LOXL3: variants seen among roughly 807,000 people sequenced by gnomAD.
LOXL3 encodes the protein lysyl oxidase homolog 3.
Under a neutral mutation model 91.8 loss-of-function variants are expected in LOXL3, and 60 were observed. The observed-to-expected ratio is 0.65, with a 90% CI of 0.53 to 0.81. The LOEUF (loss-of-function observed/expected upper bound fraction) is 0.81. Among genes scored for constraint, LOXL3 ranks in the 30% least tolerant of loss-of-function variants. The pLI is 0.00. For synonymous variants in LOXL3, 355 were observed against 387.6 expected (o/e 0.92, Z 0.99); for missense variants, 874 against 1,000.4 (o/e 0.87, Z 1.70).
At chr2:74,537,025 C>A (rs1020129172) in intron 4 of LOXL3, 97 bp from the exon 5 acceptor site, 9 of 920,888 alleles carry the variant, frequency 9.8e-6, no homozygotes, top group South Asian at 1.6e-5. Context: ...CCATGCCCCC[C>A]ACCCTTTTGT....
upstream of LOXL3, chr2:74,554,582 C>G (rs1677258155): frequency 4.7e-6 from 3 of 636,302 alleles, no homozygotes; most frequent in Admixed American, 3.0e-5. This position sits in a 1 kb window ranked among gnomAD's most constrained non-coding sequence, Gnocchi z 4.9. Context: ...CCCGGCTAAT[C>G]CGGGGGTCTC....
intron 4 of LOXL3, among the ~76,000 whole-genome samples, chr2:74,539,333 A>G (rs1285684437): frequency 6.6e-6 from 1 of 152,208 alleles, no homozygotes; most frequent in African/African-American, 2.4e-5. Context: ...AACACCATTG[A>G]ACTGCATTTC....
chr2:74,547,361 T>C (rs1043551832), intron 4 of LOXL3, among the ~76,000 whole-genome samples: 2 of 152,022 alleles, frequency 1.3e-5, no homozygotes, highest in Non-Finnish European at 2.9e-5. Context: ...TAAATAAATA[T>C]TGGGTGAGTG....
intron 4 of LOXL3, among the ~76,000 whole-genome samples, chr2:74,543,920 AAAAG>A (rs2104421891): frequency 5.3e-5 from 8 of 149,634 alleles, no homozygotes; most frequent in African/African-American, 2.0e-4. Context: ...AAAAAAAAAA[AAAAG>A]AAAAGAAAAG....
At position 74,549,480 on chromosome 2, in the gene LOXL3, G is replaced by A; in HGVS notation, c.581C>T (p.Pro194Leu). The change falls in exon 4 of 14, where the codon CCT (proline) becomes CTT (leucine). Residue 194 changes from proline to leucine, a missense_variant. Physicochemically the swap from Pro to Leu is moderately conservative, Grantham distance 98. Transcript: ENST00000264094. The surrounding 1 kb of genome is among the most constrained non-coding windows in gnomAD (Gnocchi z 5.3). Reference protein sequence around the residue: ...VTEGLVEVRLPDGWSQVCDKG... With the variant: ...VTEGLVEVRLLDGWSQVCDKG... ...GTCGCACACTTGCGACCAGCCGTCA[G>A]GAAGCCTGACTTCCACCAGCCCCTC... is the stretch of plus-strand genomic sequence containing the variant. The A allele has an allele frequency of 6.2e-7, 1 of 1,613,502 alleles. No homozygotes were observed. The highest frequency in any genetic ancestry group is 8.5e-7 in the Non-Finnish European group (1 of 1,179,818).
At chr2:74,555,618 T>G, upstream of LOXL3, 1 of 1,614,098 alleles carries the variant, frequency 6.2e-7, no homozygotes, top group Non-Finnish European at 8.5e-7. This position sits in a 1 kb window ranked among gnomAD's most constrained non-coding sequence, Gnocchi z 6.1. Context: ...CCACCTAAGC[T>G]TTCTGCCCTG....
rs373321712 is a variant in LOXL3 at position 74,550,220 on chromosome 2, G to T, written c.442C>A (p.Arg148Ser). 5.5e-5 allele frequency: 89 copies of T among 1,613,962 alleles called. No individual in the cohort carries two copies. The highest frequency in any genetic ancestry group is 7.5e-5 in the Non-Finnish European group (89 of 1,180,008). ...TTGGAGTCCGAGAAGCCAGGGAGGC[G>T]CTGGTCTTTGCAGATGACCCCAGCA... Reference protein sequence around the residue: ...EDAGVICKDQRLPGFSDSNVI... With the variant: ...EDAGVICKDQSLPGFSDSNVI... Residue 148 changes from arginine (R) to serine (S), a missense_variant, in exon 3 of 14, where the codon CGC (arginine) becomes AGC (serine). By Grantham distance (110) the Arg-to-Ser change is moderately radical. Transcript: ENST00000264094.
At position 74,536,211 on chromosome 2, in the gene LOXL3, A is replaced by C. The variant is rs1051085807; in HGVS notation, c.1094-61T>G. Reference sequence around the variant, plus strand: ...TAAGCATATATTGTCTGCCCAGGGGACACCTAACCTTCCGAAGGAATATGC... The same window carrying C: ...TAAGCATATATTGTCTGCCCAGGGGCCACCTAACCTTCCGAAGGAATATGC... On this transcript the variant is annotated intron_variant, in intron 6 of 13. Coordinates refer to ENST00000264094, the MANE Select transcript of LOXL3 (RefSeq NM_032603.5). The surrounding 1 kb of genome is among the most constrained non-coding windows in gnomAD (Gnocchi z 4.5). The C allele has an allele frequency of 2.5e-6, 4 of 1,611,560 alleles. No homozygotes were observed. In the Admixed American group the frequency reaches 6.7e-5, roughly 27 times the overall value.
At position 74,533,388 on chromosome 2, in the gene LOXL3, G is replaced by T. The variant is rs948457027; in HGVS notation, c.*218C>A. ...TGGGCTCTGGTCTGTTCTGCTCGGT[G>T]CTGGGCCTGGGAGCAAAGATTCCCA... is the stretch of plus-strand genomic sequence containing the variant. On this transcript the variant is annotated 3_prime_UTR_variant, in exon 14 of 14. Coordinates refer to ENST00000264094, the MANE Select transcript of LOXL3 (RefSeq NM_032603.5). The T allele has an allele frequency of 2.8e-5, 16 of 569,378 alleles. No individual in the cohort carries two copies. The African/African-American group carries it at 2.8e-4, about 10-fold the overall frequency. The allele number at this position is 569,378 out of a possible 1,614,324, so 35.3% of individuals were successfully genotyped here.
chr2:74,532,750 C>T lies in LOXL3; in HGVS notation c.*856G>A, dbSNP rs1675707482. 2 of 1,611,316 alleles carry T rather than the reference C, an allele frequency of 1.2e-6. No individual in the cohort carries two copies. Among genetic ancestry groups the T allele is most frequent in the African/African-American group, 2.7e-5 (2 of 74,844 alleles). On this transcript the variant is annotated 3_prime_UTR_variant, in exon 14 of 14. Transcript: ENST00000264094. ...GGCTGCAGTGTGATATGGGGATGGGCAAGGTGTGCATGTGTCCTTGAACTA... is the reference window on the plus strand; with the variant it reads ...GGCTGCAGTGTGATATGGGGATGGGTAAGGTGTGCATGTGTCCTTGAACTA...
At chr2:74,537,969 A>C (rs1289019192) in intron 4 of LOXL3, among the ~76,000 whole-genome samples, 1 of 152,298 alleles carries the variant, frequency 6.6e-6, no homozygotes, top group South Asian at 2.1e-4. Flanking sequence ...CAGAGGAAGG[A>C]TGGAATATGA....
chr2:74,546,935 C>T (rs377368144), intron 4 of LOXL3, among the ~76,000 whole-genome samples: 25 of 152,028 alleles, frequency 1.6e-4, no homozygotes, highest in South Asian at 6.2e-4. Flanking sequence ...AGGCTGGTCT[C>T]GAACTCCTGA....
At position 74,552,425 on chromosome 2, in the gene LOXL3, G is replaced by A. The variant is rs1433050406; in HGVS notation, c.210C>T (p.Cys70=). 5 of 1,613,728 alleles carry A rather than the reference G, an allele frequency of 3.1e-6. No homozygotes were observed. Among genetic ancestry groups the A allele is most frequent in the Non-Finnish European group, 2.5e-6 (3 of 1,179,858 alleles). Residue 70 remains cysteine (C), a synonymous_variant, in exon 2 of 14, where the codon TGC becomes TGT. Coordinates refer to ENST00000264094, the MANE Select transcript of LOXL3 (RefSeq NM_032603.5). ...CAGCCTGCAGCGTGAAGTCATCATCGCAGATGGTGCCCCATTCACCAGCTC... is the reference window on the plus strand; with the variant it reads ...CAGCCTGCAGCGTGAAGTCATCATCACAGATGGTGCCCCATTCACCAGCTC... ...IQRAGEWGTI[C]DDDFTLQAAH...
chr2:74,551,185 C>T (rs990363118), intron 2 of LOXL3, among the ~76,000 whole-genome samples: 1 of 152,240 alleles, frequency 6.6e-6, no homozygotes, highest in Non-Finnish European at 1.5e-5. Context: ...CCACCCACCT[C>T]AGCCTCCCAA....
At position 74,532,285 on chromosome 2, in the gene LOXL3, G is replaced by A. The variant is rs1049129708; in HGVS notation, c.*1321C>T. ...TCCTACTCCCATGTTTTTTATTTAT[G>A]CTGTTCTTGTTTTATATGGTTAATA... On this transcript the variant is annotated 3_prime_UTR_variant, in exon 14 of 14. Coordinates refer to ENST00000264094, the MANE Select transcript of LOXL3 (RefSeq NM_032603.5). 4 of 477,528 alleles carry A rather than the reference G, an allele frequency of 8.4e-6. No homozygotes were observed. The highest frequency in any genetic ancestry group is 2.0e-5 in the African/African-American group (1 of 51,102). The allele number at this position is 477,528 out of a possible 1,614,324, so 29.6% of individuals were successfully genotyped here.
In LOXL3 at chr2:74,536,210, G is replaced by T; in HGVS notation, c.1094-60C>A. On this transcript the variant is annotated intron_variant, in intron 6 of 13. Coordinates refer to ENST00000264094, the MANE Select transcript of LOXL3 (RefSeq NM_032603.5). The surrounding 1 kb of genome is among the most constrained non-coding windows in gnomAD (Gnocchi z 4.5). The stretch of plus-strand genomic sequence containing the variant: ...TTAAGCATATATTGTCTGCCCAGGG[G>T]ACACCTAACCTTCCGAAGGAATATG... 3.1e-6 allele frequency: 5 copies of T among 1,611,706 alleles called. No individual in the cohort carries two copies. The East Asian group carries it at 1.1e-4, about 36-fold the overall frequency.
rs754834564 is a variant in LOXL3 at position 74,550,163 on chromosome 2, T to A, written c.477+22A>T. 6 of 1,607,356 alleles carry A rather than the reference T, an allele frequency of 3.7e-6. No homozygotes were observed. The South Asian group carries it at 5.6e-5, about 15-fold the overall frequency. On this transcript the variant is annotated intron_variant, in intron 3 of 13. Coordinates refer to ENST00000264094, the MANE Select transcript of LOXL3 (RefSeq NM_032603.5). Reference sequence around the variant, plus strand: ...TCGGCTATCCTGGGTAGTGTGTGTGTGTATGTCTAGGAAATGCAGACCTCA... The same window carrying A: ...TCGGCTATCCTGGGTAGTGTGTGTGAGTATGTCTAGGAAATGCAGACCTCA...
rs191994982 is a variant in LOXL3, at chr2:74,552,506, C to T, written c.129G>A (p.Arg43=). Residue 43 remains arginine, a synonymous_variant, in exon 2 of 14, where the codon CGG becomes CGA. Transcript: ENST00000264094. Reference sequence around the variant, plus strand: ...TCCTGGGGAAGCCAGCCAGCCGGAACCGAAGCCCCTGGCTCCCGGCCTTCT... The same window carrying T: ...TCCTGGGGAAGCCAGCCAGCCGGAATCGAAGCCCCTGGCTCCCGGCCTTCT... ...PEKKAGSQGL[R]FRLAGFPRKP... is the part of the protein sequence containing the mutation. The T allele has an allele frequency of 5.0e-6, 8 of 1,613,710 alleles. No homozygotes were observed. In the East Asian group the frequency reaches 1.6e-4, roughly 31 times the overall value.
chr2:74,546,304 G>GA lies in LOXL3; in HGVS notation c.692+3064dup, dbSNP rs200465823. ...CTAATAAAGCAGTGAAAGTAGTACTGAAAAAAAAATGGAAGCCCGATGTCA... is the reference window on the plus strand; with the variant it reads ...CTAATAAAGCAGTGAAAGTAGTACTGAAAAAAAAAATGGAAGCCCGATGTCA... On this transcript the variant is annotated intron_variant, in intron 4 of 13. Transcript: ENST00000264094. Among the ~76,000 whole-genome samples the GA allele has an allele frequency of 8.3e-3, 1,247 of 150,260 alleles. 13 individuals carry two copies. Among genetic ancestry groups the GA allele is most frequent in the African/African-American group, 0.025 (1,021 of 40,924 alleles).
Sources: gnomAD v4.1 joint callset for allele counts (sites outside exome capture counted in the v4.1 genomes callset) on GRCh38, gnomAD v4.1.1 for gene constraint, Gnocchi (gnomAD v3.1) non-coding constraint, MANE v1.5 for transcripts, NCBI Gene and HGNC (gene_info 2026-07-23, HGNC 2026-07-21) for gene names.